Variants in CADPS observed in about 807,000 individuals in gnomAD.
CADPS encodes calcium-dependent secretion activator 1.
CADPS carries 57 observed loss-of-function variants against 167.3 expected under a neutral mutation model. The ratio of observed to expected loss-of-function variants is 0.34; its 90% confidence interval spans 0.28 to 0.42. The LOEUF (loss-of-function observed/expected upper bound fraction) is 0.42, where lower values mean the gene tolerates loss of function less well. CADPS is among the 20% of genes least tolerant of loss of function. CADPS has a pLI of 1.00. For synonymous variants in CADPS, 676 were observed against 635.3 expected (o/e 1.06, Z -0.96); for missense variants, 1,414 against 1,738.1 (o/e 0.81, Z 3.32).
chr3:62,578,120 C>G (rs2082650962), intron 8 of CADPS, among the ~76,000 whole-genome samples: 1 of 149,184 alleles, frequency 6.7e-6, no homozygotes, highest in South Asian at 2.1e-4. Flanking sequence ...ATAAGAAATG[C>G]ACTTTTTAAA....
At chr3:62,798,518 C>T (rs1339699983) in intron 1 of CADPS, among the ~76,000 whole-genome samples, 1 of 152,080 alleles carries the variant, frequency 6.6e-6, no homozygotes, top group Non-Finnish European at 1.5e-5. Flanking sequence ...TTGCAGATGG[C>T]CTATTGTAGG....
At chr3:62,754,447 A>G (rs535950001) in intron 2 of CADPS, among the ~76,000 whole-genome samples, 1 of 152,112 alleles carries the variant, frequency 6.6e-6, no homozygotes, top group South Asian at 2.1e-4. Context: ...CTCGGCCTCC[A>G]AAAGTGCTGG....
intron 8 of CADPS, among the ~76,000 whole-genome samples, chr3:62,584,707 A>AT (rs1466120461): frequency 4.6e-5 from 7 of 152,276 alleles, no homozygotes; most frequent in South Asian, 2.1e-4. Context: ...CAAATTTTCT[A>AT]TTTTTTTCTC....
intron 3 of CADPS, among the ~76,000 whole-genome samples, chr3:62,683,407 G>T (rs927961395): frequency 2.0e-5 from 3 of 152,064 alleles, no homozygotes; most frequent in East Asian, 1.9e-4. Flanking sequence ...GCATACAAAG[G>T]CTCGTTTGTG....
chr3:62,508,886 T>C (rs1282503406), intron 17 of CADPS, among the ~76,000 whole-genome samples: 2 of 152,128 alleles, frequency 1.3e-5, no homozygotes, highest in Admixed American at 6.5e-5. Flanking sequence ...AAAATCTTTC[T>C]TGGTGACAGT....
chr3:62,659,994 G>T (rs888534212), intron 4 of CADPS, among the ~76,000 whole-genome samples: 1 of 152,132 alleles, frequency 6.6e-6, no homozygotes, highest in African/African-American at 2.4e-5. Flanking sequence ...CTACTTCATT[G>T]TCTAAGAATG....
chr3:62,801,118 C>T (rs1426212824), intron 1 of CADPS, among the ~76,000 whole-genome samples: 2 of 152,072 alleles, frequency 1.3e-5, no homozygotes, highest in East Asian at 1.9e-4. Flanking sequence ...GGGCATTATA[C>T]CACAAACCTT....
chr3:62,615,289 C>G (rs760431669), intron 6 of CADPS, among the ~76,000 whole-genome samples: 15 of 152,238 alleles, frequency 9.9e-5, no homozygotes, highest in Non-Finnish European at 1.8e-4. Flanking sequence ...TTGTAGCCAT[C>G]AATGGGCACA....
At chr3:62,698,731 C>CT (rs201324385) in intron 3 of CADPS, among the ~76,000 whole-genome samples, 722 of 67,144 alleles carry the variant, frequency 0.011, 131 homozygotes, top group African/African-American at 0.025. Flanking sequence ...TCCCCACTTC[C>CT]TTTTTTTTTT....
intron 28 of CADPS, among the ~76,000 whole-genome samples, chr3:62,436,456 A>G (rs988268709): frequency 2.0e-5 from 3 of 152,214 alleles, no homozygotes; most frequent in African/African-American, 7.2e-5. Flanking sequence ...ATTTAATTCA[A>G]TGGAGATGGG....
chr3:62,489,919 A>G (rs2063426685), intron 21 of CADPS, among the ~76,000 whole-genome samples: 1 of 152,204 alleles, frequency 6.6e-6, no homozygotes, highest in Admixed American at 6.5e-5. Context: ...CAGTAGGGCC[A>G]TATTAAGAGA....
At chr3:62,406,072 G>T (rs1036672840) in intron 28 of CADPS, among the ~76,000 whole-genome samples, 1 of 152,218 alleles carries the variant, frequency 6.6e-6, no homozygotes, top group African/African-American at 2.4e-5. Context: ...CCACAGCATT[G>T]AAAGAGCGGA....
chr3:62,626,076 C>T (rs2247933), intron 6 of CADPS: 141,537 of 151,534 alleles, frequency 0.93, 66,804 homozygotes, highest in East Asian at 1. Context: ...CTCATCTTTT[C>T]CAAGGCTGTA....
Position 62,794,833 on chromosome 3 carries a change from G to C in CADPS, c.442-28849C>G, listed in dbSNP as rs1205775657. 4.7e-5 allele frequency among the ~76,000 whole-genome samples: 7 copies of C among 149,072 alleles called. No individual in the cohort carries two copies. The South Asian group carries it at 1.5e-3, about 32-fold the overall frequency. ...AGAGCTCTTCCTGATGAATATTCTG[G>C]TCTCAGTAGTCTAGGTAAAGAATTT... On this transcript the variant is annotated intron_variant, in intron 1 of 29. Coordinates refer to ENST00000383710, the MANE Select transcript of CADPS (RefSeq NM_003716.4).
chr3:62,535,740 T>C (rs1164935056), intron 12 of CADPS, among the ~76,000 whole-genome samples: 1 of 152,032 alleles, frequency 6.6e-6, no homozygotes, highest in African/African-American at 2.4e-5. Context: ...ATTTGATAGT[T>C]TAAAGCCAAA....
At chr3:62,763,182 T>G (rs773438448) in intron 2 of CADPS, among the ~76,000 whole-genome samples, 1 of 152,176 alleles carries the variant, frequency 6.6e-6, no homozygotes, top group Non-Finnish European at 1.5e-5. Context: ...CCCCATCCAC[T>G]GTGACTGACT....
At chr3:62,547,308 T>G (rs1019239005) in intron 11 of CADPS, among the ~76,000 whole-genome samples, 19 of 152,188 alleles carry the variant, frequency 1.2e-4, no homozygotes, top group African/African-American at 4.3e-4. Flanking sequence ...CAGAACTCAA[T>G]GGGTGCCATT....
At chr3:62,554,213 GA>G (rs2077751274) in intron 10 of CADPS, among the ~76,000 whole-genome samples, 1 of 152,174 alleles carries the variant, frequency 6.6e-6, no homozygotes, top group Non-Finnish European at 1.5e-5. Flanking sequence ...CATACACAGG[GA>G]AAGGTAAAGT....
chr3:62,517,606 C>T (rs2069320562), intron 14 of CADPS, among the ~76,000 whole-genome samples: 1 of 152,164 alleles, frequency 6.6e-6, no homozygotes, highest in African/African-American at 2.4e-5. Context: ...GCACTAAAAA[C>T]ACCTAATGTG....
Sources: allele counts gnomAD v4.1 joint callset (sites outside exome capture counted in the v4.1 genomes callset), GRCh38; gene constraint gnomAD v4.1.1; transcripts MANE v1.5; gene names NCBI Gene and HGNC (gene_info 2026-07-23, HGNC 2026-07-21).